GRID2: variants seen among roughly 807,000 people sequenced by gnomAD.
GRID2 encodes glutamate ionotropic receptor delta type subunit 2, also known as glutamate receptor ionotropic, delta-2.
A neutral mutation model predicts 114.8 loss-of-function variants in GRID2; 33 were observed. The ratio of observed to expected loss-of-function variants is 0.29; its 90% CI spans 0.22 to 0.38. GRID2 has a LOEUF of 0.38. Among genes scored for constraint, GRID2 ranks in the 10% least tolerant of loss-of-function variants. The pLI is 1.00. For synonymous variants in GRID2, 505 were observed against 449.9 expected (o/e 1.12, Z -1.55); for missense variants, 1,184 against 1,257.7 (o/e 0.94, Z 0.89).
At chr4:93,030,847 G>A (rs1406849761) in intron 2 of GRID2, among the ~76,000 whole-genome samples, 1 of 151,502 alleles carries the variant, frequency 6.6e-6, no homozygotes, top group Non-Finnish European at 1.5e-5. Context: ...GAGAAGAGTG[G>A]TGAGAAAAAA....
In GRID2 at chr4:92,826,374, G is replaced by A. The variant is rs376134294; in HGVS notation, c.244+236088G>A. Among the ~76,000 whole-genome samples the A allele has an allele frequency of 1.1e-4, 17 of 152,104 alleles. 1 individual carries two copies. The South Asian group carries it at 1.5e-3, about 13-fold the overall frequency. ...TTTCCTGGATGCACCATCTAATGAC[G>A]TTCCAACCAGCAATCCCTAACACAC... On this transcript the variant is annotated intron_variant, in intron 2 of 15. Coordinates refer to ENST00000282020, the MANE Select transcript of GRID2 (RefSeq NM_001510.4).
At chr4:93,192,230 A>C (rs958710179) in intron 4 of GRID2, among the ~76,000 whole-genome samples, 5 of 152,182 alleles carry the variant, frequency 3.3e-5, no homozygotes, top group African/African-American at 1.2e-4. Context: ...ATTTAAAATA[A>C]TTTCACACCT....
chr4:92,817,918 C>T (rs1020978574), intron 2 of GRID2, among the ~76,000 whole-genome samples: 1 of 152,044 alleles, frequency 6.6e-6, no homozygotes, highest in Admixed American at 6.6e-5. Context: ...TATTTCATGT[C>T]CAAGTTTACA....
At chr4:92,921,838 A>T (rs577530662) in intron 2 of GRID2, among the ~76,000 whole-genome samples, 4 of 152,162 alleles carry the variant, frequency 2.6e-5, no homozygotes, top group Admixed American at 2.6e-4. Flanking sequence ...CAGATCTCCA[A>T]CTGCATGCTG....
At chr4:93,008,307 G>A (rs187141890) in intron 2 of GRID2, among the ~76,000 whole-genome samples, 122 of 152,118 alleles carry the variant, frequency 8.0e-4, no homozygotes, top group African/African-American at 2.8e-3. Flanking sequence ...GAAATTCTGA[G>A]CAAGAAAACC....
rs192732786 is a variant in GRID2, at chr4:93,053,583, A to G, written c.245-31412A>G. On this transcript the variant is annotated intron_variant, in intron 2 of 15. Transcript: ENST00000282020. ...AGCTTCCCACTGTGCACTGGCATGC[A>G]TTTTAAAGAAAAGGTTACTTTTTCT... Among the ~76,000 whole-genome samples the G allele has an allele frequency of 1.6e-3, 242 of 152,092 alleles. 1 individual carries two copies. The highest frequency in any genetic ancestry group is 2.1e-3 in the Non-Finnish European group (145 of 67,934).
intron 2 of GRID2, among the ~76,000 whole-genome samples, chr4:92,712,315 G>A (rs973486176): frequency 6.6e-6 from 1 of 151,734 alleles, no homozygotes; most frequent in Non-Finnish European, 1.5e-5. Flanking sequence ...TAATATTAAG[G>A]TATTTATACT....
intron 14 of GRID2, among the ~76,000 whole-genome samples, chr4:93,645,567 C>T (rs1722033152): frequency 6.6e-6 from 1 of 152,148 alleles, no homozygotes; most frequent in Non-Finnish European, 1.5e-5. Flanking sequence ...CATTCCTATT[C>T]TTTCCATTCC....
chr4:93,665,981 A>G (rs566236726), intron 14 of GRID2, among the ~76,000 whole-genome samples: 1 of 152,204 alleles, frequency 6.6e-6, no homozygotes, highest in African/African-American at 2.4e-5. Context: ...TTCTTATCAG[A>G]ATCGGTTGAG....
chr4:93,055,518 A>G (rs1263626916), intron 2 of GRID2, among the ~76,000 whole-genome samples: 1 of 152,016 alleles, frequency 6.6e-6, no homozygotes, highest in Non-Finnish European at 1.5e-5. Flanking sequence ...TTAAAGTATA[A>G]TTAAACAACA....
At chr4:92,384,992 C>T (rs1248096069) in intron 1 of GRID2, among the ~76,000 whole-genome samples, 1 of 151,150 alleles carries the variant, frequency 6.6e-6, no homozygotes, top group Non-Finnish European at 1.5e-5. Flanking sequence ...TGATGGTTCC[C>T]TATGTACTGG....
At chr4:93,520,087 T>C (rs1730181706) in intron 13 of GRID2, among the ~76,000 whole-genome samples, 1 of 152,152 alleles carries the variant, frequency 6.6e-6, no homozygotes, top group Non-Finnish European at 1.5e-5. Context: ...CCCTAAGAAC[T>C]AGTGAGTAAG....
intron 1 of GRID2, among the ~76,000 whole-genome samples, chr4:92,536,992 G>T (rs1725670041): frequency 6.6e-6 from 1 of 152,164 alleles, no homozygotes; most frequent in South Asian, 2.1e-4. Flanking sequence ...TAAATACTCA[G>T]AGAAAAGGAG....
chr4:93,332,299 T>TGA lies in GRID2; in HGVS notation c.1246-63283_1246-63282dup, dbSNP rs10596544. 6.1e-3 allele frequency among the ~76,000 whole-genome samples: 733 copies of TGA among 121,008 alleles called. 3 individuals are homozygous for TGA. Among genetic ancestry groups the TGA allele is most frequent in the Non-Finnish European group, 7.7e-3 (448 of 58,314 alleles). The allele number at this position is 121,008 out of a possible 152,430, so 79.4% of individuals were successfully genotyped here. On this transcript the variant is annotated intron_variant, in intron 8 of 15. Transcript: ENST00000282020. ...GTGTGTGTGTGTGTGTGTGTGTGTG[T>TGA]GAGAGAGAGAGAGAGAGAGAGAGAG...
At chr4:92,519,683 A>G (rs892327801) in intron 1 of GRID2, among the ~76,000 whole-genome samples, 1 of 151,842 alleles carries the variant, frequency 6.6e-6, no homozygotes. Context: ...TTTATAAAAA[A>G]GAATAAGTCC....
chr4:93,100,971 T>C (rs913568912), intron 3 of GRID2, among the ~76,000 whole-genome samples: 4 of 152,054 alleles, frequency 2.6e-5, no homozygotes, highest in African/African-American at 9.6e-5. Context: ...AGGATACCTC[T>C]ATCTGTAATA....
chr4:92,971,007 CT>C (rs200656419), intron 2 of GRID2, among the ~76,000 whole-genome samples: 26 of 151,254 alleles, frequency 1.7e-4, no homozygotes, highest in East Asian at 1.4e-3. Flanking sequence ...ATTGTTAAAG[CT>C]TTTTTTAAAA....
intron 14 of GRID2, among the ~76,000 whole-genome samples, chr4:93,749,568 C>G (rs774862401): frequency 6.6e-6 from 1 of 152,120 alleles, no homozygotes; most frequent in African/African-American, 2.4e-5. Flanking sequence ...AGAGGCAAAC[C>G]GAGGCTGTTA....
intron 2 of GRID2, among the ~76,000 whole-genome samples, chr4:92,650,049 T>C (rs1731847908): frequency 6.6e-6 from 1 of 152,042 alleles, no homozygotes; most frequent in South Asian, 2.1e-4. Context: ...AGTTGAACCA[T>C]CATAAGCTGG....
Sources: allele counts gnomAD v4.1 joint callset (sites outside exome capture counted in the v4.1 genomes callset), GRCh38; gene constraint gnomAD v4.1.1; transcripts MANE v1.5; gene names NCBI Gene and HGNC (gene_info 2026-07-23, HGNC 2026-07-21).